Variants in PIEZO2 observed in about 807,000 individuals in gnomAD.
The protein encoded by PIEZO2 is piezo-type mechanosensitive ion channel component 2.
PIEZO2 carries 172 observed loss-of-function variants against 337.3 expected under a neutral mutation model. That is an observed-to-expected ratio of 0.51 (90% confidence interval 0.45 to 0.58). The LOEUF (loss-of-function observed/expected upper bound fraction) is 0.58, where lower values mean the gene tolerates loss of function less well. Among genes scored for constraint, PIEZO2 ranks in the 20% least tolerant of loss-of-function variants. PIEZO2 has a pLI of 0.00. For synonymous variants in PIEZO2, 1,251 were observed against 1,228.5 expected, an observed-to-expected ratio of 1.02 and a Z score of -0.38; for missense variants, 3,028 against 3,391.3, an observed-to-expected ratio of 0.89 and a Z score of 2.66.
intron 3 of PIEZO2, among the ~76,000 whole-genome samples, chr18:10,933,344 C>T (rs1052004472): frequency 1.3e-5 from 2 of 152,100 alleles, no homozygotes; most frequent in Non-Finnish European, 2.9e-5. Flanking sequence ...TCCATTTCTT[C>T]ATTGGAGTAA....
Position 10,682,775 on chromosome 18 carries a change from T to TTG in PIEZO2, c.7498-484_7498-483insCA, listed in dbSNP as rs11283859. Among the ~76,000 whole-genome samples, 1 of 151,948 alleles carries TTG rather than the reference T, an allele frequency of 6.6e-6. No individual in the cohort carries two copies. Among genetic ancestry groups the TTG allele is most frequent in the East Asian group, 1.9e-4 (1 of 5,172 alleles). On this transcript the variant is annotated intron_variant, in intron 49 of 55. Transcript: ENST00000674853. The surrounding 1 kb of genome is among the most constrained non-coding windows in gnomAD (Gnocchi z 5.6). ...TTAATTTAATTCATGACACGTGTTG[T>TTG]TAAAGACAATGTTGTTCGACACCTA...
chr18:10,935,619 A>G (rs895085407), intron 3 of PIEZO2, among the ~76,000 whole-genome samples: 33 of 152,244 alleles, frequency 2.2e-4, no homozygotes, highest in Non-Finnish European at 7.3e-5. Flanking sequence ...TGTGCATAAA[A>G]GAAACTGGCT....
intron 49 of PIEZO2, among the ~76,000 whole-genome samples, chr18:10,688,688 A>T (rs2034662484): frequency 6.6e-6 from 1 of 152,146 alleles, no homozygotes; most frequent in Non-Finnish European, 1.5e-5. Context: ...TGTTAAAAAC[A>T]TCTACTTTTT....
intron 7 of PIEZO2, among the ~76,000 whole-genome samples, chr18:10,825,372 G>T (rs2040639028): frequency 6.6e-6 from 1 of 152,054 alleles, no homozygotes; most frequent in Admixed American, 6.6e-5. Context: ...AGGGGTTAAG[G>T]ATTTGGGGGA....
intron 2 of PIEZO2, among the ~76,000 whole-genome samples, chr18:11,024,647 T>G (rs147167031): frequency 0.012 from 1,851 of 152,008 alleles, 38 homozygotes; most frequent in African/African-American, 0.042. Flanking sequence ...TTTGTTTTGT[T>G]TCGTTTTTTT....
rs1374612313 is a variant in PIEZO2 at position 10,750,350 on chromosome 18, A to G, written c.4168-163T>C. 6.6e-6 allele frequency among the ~76,000 whole-genome samples: 1 copy of G among 152,242 alleles called. No homozygotes were observed. Among genetic ancestry groups the G allele is most frequent in the Non-Finnish European group, 1.5e-5 (1 of 68,034 alleles). On this transcript the variant is annotated intron_variant, in intron 28 of 55. Transcript: ENST00000674853. The surrounding 1 kb of genome is among the most constrained non-coding windows in gnomAD (Gnocchi z 4.1). ...TTCAGTCACCTTGTGGTAGTGCTTC[A>G]GGAGCAATGTAAATTCCTGGGAAAA...
In PIEZO2 at chr18:11,069,973, T is replaced by G. The variant is rs2038280298; in HGVS notation, c.65-3751A>C. On this transcript the variant is annotated intron_variant, in intron 1 of 55. Transcript: ENST00000674853. The surrounding 1 kb of genome is among the most constrained non-coding windows in gnomAD (Gnocchi z 4.9). ...TCTAACCAAGGAGGTGAAAGACCTA[T>G]AAATGGAAGAATATAAAACATTGAT... Among the ~76,000 whole-genome samples the G allele has an allele frequency of 6.6e-6, 1 of 152,160 alleles. No homozygotes were observed. Among genetic ancestry groups the G allele is most frequent in the African/African-American group, 2.4e-5 (1 of 41,432 alleles).
At chr18:10,912,057 C>CT (rs547063038) in intron 3 of PIEZO2, among the ~76,000 whole-genome samples, 89 of 149,450 alleles carry the variant, frequency 6.0e-4, no homozygotes, top group Middle Eastern at 7.0e-3. Context: ...TTCACATATT[C>CT]TTTTTTTTTT....
At position 11,110,983 on chromosome 18, in the gene PIEZO2, C is replaced by A. The variant is rs1278050331; in HGVS notation, c.64+37542G>T. Among the ~76,000 whole-genome samples, 2 of 152,234 alleles carry A rather than the reference C, an allele frequency of 1.3e-5. No individual in the cohort carries two copies. The highest frequency in any genetic ancestry group is 4.8e-5 in the African/African-American group (2 of 41,456). On this transcript the variant is annotated intron_variant, in intron 1 of 55. Coordinates refer to ENST00000674853, the MANE Select transcript of PIEZO2 (RefSeq NM_001378183.1). This position sits in a 1 kb window ranked among gnomAD's most constrained non-coding sequence, Gnocchi z 4.2. The stretch of plus-strand genomic sequence containing the variant: ...TCAGAGTCCACCATGAGAGCCACTG[C>A]AGGGCTTCGGAACGGAGGAGAAGCT...
chr18:10,926,551 G>C (rs1351222227), intron 3 of PIEZO2, among the ~76,000 whole-genome samples: 2 of 152,118 alleles, frequency 1.3e-5, no homozygotes, highest in Non-Finnish European at 2.9e-5. Context: ...ACTCCACCTA[G>C]GTAGCCCCCT....
At chr18:10,907,475 C>G (rs1276034662) in intron 4 of PIEZO2, among the ~76,000 whole-genome samples, 3 of 151,898 alleles carry the variant, frequency 2.0e-5, no homozygotes, top group Non-Finnish European at 4.4e-5. Flanking sequence ...TTGTTTCAAG[C>G]ATCATGTTGA....
chr18:10,930,848 TGATGTCTCTGTAGGTAACC>T (rs1394286764), intron 3 of PIEZO2, among the ~76,000 whole-genome samples: 1 of 152,258 alleles, frequency 6.6e-6, no homozygotes, highest in African/African-American at 2.4e-5. Flanking sequence ...AAGAGGTCTT[TGATGTCTCTGTAGGTAACC>T]GATGTCTCTA....
rs550352024 is a variant in PIEZO2 at position 10,712,717 on chromosome 18, A to G, written c.5423+2047T>C. Reference sequence around the variant, plus strand: ...TTTGATATTACTAATGGTTTCAGAAATTAATAATTGAGAAATGTGCATATT... The same window carrying G: ...TTTGATATTACTAATGGTTTCAGAAGTTAATAATTGAGAAATGTGCATATT... On this transcript the variant is annotated intron_variant, in intron 39 of 55. Transcript: ENST00000674853. 1.6e-4 allele frequency among the ~76,000 whole-genome samples: 24 copies of G among 152,352 alleles called. No homozygotes were observed. The East Asian group carries it at 4.2e-3, about 27-fold the overall frequency.
At chr18:10,926,397 A>C (rs1382014754) in intron 3 of PIEZO2, among the ~76,000 whole-genome samples, 1 of 152,190 alleles carries the variant, frequency 6.6e-6, no homozygotes, top group Non-Finnish European at 1.5e-5. Flanking sequence ...TTTGCAGTGC[A>C]CTAGTGGGTG....
chr18:11,003,134 G>A lies in PIEZO2; in HGVS notation c.161-23474C>T, dbSNP rs1381430113. On this transcript the variant is annotated intron_variant, in intron 2 of 55. Coordinates refer to ENST00000674853, the MANE Select transcript of PIEZO2 (RefSeq NM_001378183.1). This position sits in a 1 kb window ranked among gnomAD's most constrained non-coding sequence, Gnocchi z 4.6. ...CAGGTCTTCCTCCAGCAGGCAGGAT[G>A]GCACTTGGAGTCTGGGTGATGCAGT... Among the ~76,000 whole-genome samples the A allele has an allele frequency of 6.6e-6, 1 of 152,220 alleles. No homozygotes were observed. Among genetic ancestry groups the A allele is most frequent in the East Asian group, 1.9e-4 (1 of 5,192 alleles).
At chr18:10,753,182 G>A (rs2037711224) in intron 27 of PIEZO2, among the ~76,000 whole-genome samples, 1 of 152,180 alleles carries the variant, frequency 6.6e-6, no homozygotes, top group South Asian at 2.1e-4. Context: ...TCTATGGGAG[G>A]CATGAATAAT....
At position 10,730,929 on chromosome 18, in the gene PIEZO2, C is replaced by A. The variant is rs189503515; in HGVS notation, c.5029+478G>T. On this transcript the variant is annotated intron_variant, in intron 36 of 55. Coordinates refer to ENST00000674853, the MANE Select transcript of PIEZO2 (RefSeq NM_001378183.1). The stretch of plus-strand genomic sequence containing the variant: ...TTTTAGTAGACACGGGGTTTCACCG[C>A]GTTAGCCAGGATGGTCTCGATCTCC... Among the ~76,000 whole-genome samples the A allele has an allele frequency of 5.3e-5, 8 of 151,806 alleles. 1 individual carries two copies. The highest frequency in any genetic ancestry group is 5.3e-4 in the Admixed American group (8 of 15,230).
chr18:10,871,466 T>G (rs954629293), intron 4 of PIEZO2, 51 bp from the exon 5 acceptor site: 7 of 1,486,028 alleles, frequency 4.7e-6, no homozygotes, highest in Admixed American at 2.2e-5. Flanking sequence ...CTTATATTTC[T>G]ACGGTTAAAC....
intron 2 of PIEZO2, among the ~76,000 whole-genome samples, chr18:10,985,242 A>G (rs1383992275): frequency 1.3e-5 from 2 of 152,116 alleles, no homozygotes; most frequent in Non-Finnish European, 2.9e-5. Context: ...GTTAAAATAC[A>G]AAAGTATTAA....
Sources: allele counts gnomAD v4.1 joint callset (sites outside exome capture counted in the v4.1 genomes callset), GRCh38; gene constraint gnomAD v4.1.1; non-coding constraint Gnocchi (gnomAD v3.1); transcripts MANE v1.5; gene names NCBI Gene and HGNC (gene_info 2026-07-23, HGNC 2026-07-21).